The following RGS7BP variants were observed in gnomAD, a reference collection of about 807,000 sequenced individuals.
RGS7BP encodes the protein regulator of G protein signaling 7-binding protein.
RGS7BP carries 9 observed loss-of-function variants against 31.3 expected under a neutral mutation model. The observed-to-expected ratio is 0.29, with a 90% CI of 0.17 to 0.50. RGS7BP has a LOEUF of 0.50. Among genes scored for constraint, RGS7BP ranks in the 20% least tolerant of loss-of-function variants. The probability of loss-of-function intolerance (pLI) is 0.98; values close to 1 mark genes in which losing one functional copy is unlikely to be tolerated. For missense variants in RGS7BP, 274 were observed against 322.0 expected (o/e 0.85, Z 1.14); for synonymous variants, 115 against 120.1 (o/e 0.96, Z 0.28).
chr5:64,604,386 G>T (rs1016918853), intron 5 of RGS7BP, among the ~76,000 whole-genome samples: 2 of 151,990 alleles, frequency 1.3e-5, no homozygotes, highest in South Asian at 2.1e-4. Flanking sequence ...CTTTCTTACG[G>T]CATTTTTCAT....
At chr5:64,579,570 G>GAAAGA (rs1554057203) in intron 3 of RGS7BP, among the ~76,000 whole-genome samples, 91 of 118,666 alleles carry the variant, frequency 7.7e-4, no homozygotes, top group African/African-American at 2.8e-3. Flanking sequence ...AAAAAAAAAG[G>GAAAGA]AAAGAAAAGA....
intron 3 of RGS7BP, among the ~76,000 whole-genome samples, chr5:64,583,625 T>C (rs1398885175): frequency 1.3e-5 from 2 of 152,140 alleles, no homozygotes. Flanking sequence ...AGTGACTGGG[T>C]GGCTACTTTG....
rs971839638 is a variant in RGS7BP, at chr5:64,536,794, T to C, written c.332+28917T>C. Among the ~76,000 whole-genome samples, 15 of 152,276 alleles carry C rather than the reference T, an allele frequency of 9.9e-5. 1 individual carries two copies. Among genetic ancestry groups the C allele is most frequent in the Middle Eastern group, 6.8e-3 (2 of 294 alleles). ...AGTCAGCTATGCTGGTTTCCAAACC[T>C]GTTTTTGCCACATTTTGATTAGGTG... is the stretch of plus-strand genomic sequence containing the variant. On this transcript the variant is annotated intron_variant, in intron 2 of 5. Transcript: ENST00000334025.
chr5:64,548,208 G>A (rs1166027643), intron 2 of RGS7BP, among the ~76,000 whole-genome samples: 1 of 151,792 alleles, frequency 6.6e-6, no homozygotes, highest in African/African-American at 2.4e-5. Context: ...ATTCTCACAA[G>A]TATCATGGTA....
intron 5 of RGS7BP, among the ~76,000 whole-genome samples, chr5:64,602,102 A>G (rs1743232949): frequency 6.6e-6 from 1 of 152,084 alleles, no homozygotes; most frequent in African/African-American, 2.4e-5. Context: ...AGTTCTCCCA[A>G]ACTCATAGCA....
intron 2 of RGS7BP, among the ~76,000 whole-genome samples, chr5:64,556,994 A>T (rs1183915262): frequency 6.6e-6 from 1 of 152,132 alleles, no homozygotes; most frequent in Non-Finnish European, 1.5e-5. Context: ...TCACTTGGAG[A>T]CTTCACTTAT....
intron 2 of RGS7BP, among the ~76,000 whole-genome samples, chr5:64,554,884 A>G (rs1048033855): frequency 6.6e-6 from 1 of 152,036 alleles, no homozygotes; most frequent in Non-Finnish European, 1.5e-5. Flanking sequence ...AATTCTAAAA[A>G]TGAATATATA....
intron 3 of RGS7BP, among the ~76,000 whole-genome samples, chr5:64,590,748 T>A (rs1280842886): frequency 6.6e-6 from 1 of 151,352 alleles, no homozygotes; most frequent in East Asian, 1.9e-4. Flanking sequence ...AAAAACATAA[T>A]AATTAAAATA....
intron 3 of RGS7BP, among the ~76,000 whole-genome samples, chr5:64,585,573 G>A (rs1414977009): frequency 6.6e-6 from 1 of 152,076 alleles, no homozygotes; most frequent in African/African-American, 2.4e-5. Context: ...TGGTGCCTGT[G>A]CCAAGGACTC....
At chr5:64,565,125 T>C (rs1742139171) in intron 2 of RGS7BP, among the ~76,000 whole-genome samples, 1 of 152,144 alleles carries the variant, frequency 6.6e-6, no homozygotes, top group African/African-American at 2.4e-5. Flanking sequence ...ATAACCATAC[T>C]GGAGACTTTA....
chr5:64,537,683 G>T (rs887481464), intron 2 of RGS7BP, among the ~76,000 whole-genome samples: 1 of 152,154 alleles, frequency 6.6e-6, no homozygotes, highest in Non-Finnish European at 1.5e-5. Flanking sequence ...CTACATCATG[G>T]ACCATTTTGC....
intron 2 of RGS7BP, among the ~76,000 whole-genome samples, chr5:64,543,370 G>A (rs1741573585): frequency 1.3e-5 from 2 of 152,202 alleles, no homozygotes; most frequent in African/African-American, 4.8e-5. Flanking sequence ...GAATTAATTG[G>A]TGCAAAAACC....
At chr5:64,546,041 C>G (rs1465190283) in intron 2 of RGS7BP, among the ~76,000 whole-genome samples, 6 of 152,240 alleles carry the variant, frequency 3.9e-5, no homozygotes, top group African/African-American at 1.4e-4. Flanking sequence ...GTAGTCCCAG[C>G]TACTCAGGAG....
Position 64,611,353 on chromosome 5 carries a change from A to G in RGS7BP, c.*2101A>G, listed in dbSNP as rs1235712609. The G allele has an allele frequency of 6.6e-6, 1 of 152,308 alleles. No homozygotes were observed. Among genetic ancestry groups the G allele is most frequent in the African/African-American group, 2.4e-5 (1 of 41,380 alleles). 9.4% of individuals were successfully genotyped at this position (152,308 alleles called of 1,614,324 possible). On this transcript the variant is annotated 3_prime_UTR_variant, in exon 6 of 6. Transcript: ENST00000334025. ...CTACTAATCCATGCAAAAGTTATTAACTGATAAGCCCAATCTTGTTCAGCA... is the reference window on the plus strand; with the variant it reads ...CTACTAATCCATGCAAAAGTTATTAGCTGATAAGCCCAATCTTGTTCAGCA...
rs576877079 is a variant in RGS7BP, at chr5:64,592,358, G to A, written c.464-2352G>A. Among the ~76,000 whole-genome samples, 4 of 152,230 alleles carry A rather than the reference G, an allele frequency of 2.6e-5. No individual in the cohort carries two copies. In the South Asian group the frequency reaches 8.3e-4, roughly 32 times the overall value. On this transcript the variant is annotated intron_variant, in intron 3 of 5. Transcript: ENST00000334025. Reference sequence around the variant, plus strand: ...CTAAAAGTCACCAAAAATAGGAAAAGTAGGTTATTACCTGCCTTTACAAGC... The same window carrying A: ...CTAAAAGTCACCAAAAATAGGAAAAATAGGTTATTACCTGCCTTTACAAGC...
At chr5:64,516,545 G>T (rs936289811) in intron 2 of RGS7BP, among the ~76,000 whole-genome samples, 7 of 152,148 alleles carry the variant, frequency 4.6e-5, no homozygotes, top group Non-Finnish European at 8.8e-5. Flanking sequence ...CTCTGATCTT[G>T]TCACTTCTTT....
intron 2 of RGS7BP, among the ~76,000 whole-genome samples, chr5:64,559,327 G>T (rs958588549): frequency 6.6e-6 from 1 of 152,096 alleles, no homozygotes; most frequent in Non-Finnish European, 1.5e-5. Context: ...ATTGGGGACT[G>T]GTTCCCCCGA....
intron 3 of RGS7BP, among the ~76,000 whole-genome samples, chr5:64,578,264 C>A (rs1742488513): frequency 6.6e-6 from 1 of 152,230 alleles, no homozygotes; most frequent in Non-Finnish European, 1.5e-5. Flanking sequence ...CTGCTGCCCC[C>A]TGCTCTAGTG....
intron 3 of RGS7BP, among the ~76,000 whole-genome samples, chr5:64,590,235 G>A (rs912985798): frequency 4.0e-5 from 6 of 149,494 alleles, no homozygotes; most frequent in Non-Finnish European, 6.0e-5. Flanking sequence ...GCACCAAGAG[G>A]GAGAGAGAGA....
Sources: allele counts gnomAD v4.1 joint callset (sites outside exome capture counted in the v4.1 genomes callset), GRCh38; gene constraint gnomAD v4.1.1; transcripts MANE v1.5; gene names NCBI Gene and HGNC (gene_info 2026-07-23, HGNC 2026-07-21).